CSMD1: variants seen among roughly 807,000 people sequenced by gnomAD.
CSMD1 encodes the protein CUB and sushi domain-containing protein 1.
A neutral mutation model predicts 417.5 loss-of-function variants in CSMD1; 213 were observed. The observed-to-expected ratio is 0.51, with a 90% CI of 0.46 to 0.57. The LOEUF (loss-of-function observed/expected upper bound fraction) is 0.57. CSMD1 is among the 20% of genes least tolerant of loss of function. CSMD1 has a pLI of 0.00. For synonymous variants in CSMD1, 2,862 were observed against 1,736.8 expected (o/e 1.65, Z -16.11); for missense variants, 6,923 against 4,529.7 (o/e 1.53, Z -15.17).
intron 45 of CSMD1, 189 bp from the exon 46 acceptor site, chr8:3,106,830 A>G: frequency 4.2e-6 from 2 of 478,282 alleles, no homozygotes; most frequent in Non-Finnish European, 7.4e-6. Context: ...AAAATGCTCT[A>G]TTAAGCTTAG....
chr8:4,450,402 C>T (rs779887278), intron 2 of CSMD1, among the ~76,000 whole-genome samples: 2 of 151,982 alleles, frequency 1.3e-5, no homozygotes, highest in Non-Finnish European at 2.9e-5. Context: ...CTGAGGCAGG[C>T]GGATCAGCAG....
intron 2 of CSMD1, among the ~76,000 whole-genome samples, chr8:4,603,906 G>A (rs1357220188): frequency 1.3e-5 from 2 of 151,606 alleles, no homozygotes; most frequent in African/African-American, 2.4e-5. Context: ...TTACTCTGGG[G>A]GATTTGGGAT....
chr8:4,203,183 G>A (rs893334682), intron 3 of CSMD1, among the ~76,000 whole-genome samples: 12 of 152,108 alleles, frequency 7.9e-5, no homozygotes, highest in East Asian at 5.8e-4. Context: ...TTAAAAAATC[G>A]TCAGTGAGAT....
At chr8:4,053,937 A>G (rs538859335) in intron 3 of CSMD1, among the ~76,000 whole-genome samples, 6 of 152,208 alleles carry the variant, frequency 3.9e-5, no homozygotes, top group Non-Finnish European at 7.3e-5. Context: ...TACTTAACAC[A>G]TATCTGTGCA....
chr8:4,455,957 A>AAAAAAAAAC (rs1799446974), intron 2 of CSMD1, among the ~76,000 whole-genome samples: 1 of 145,238 alleles, frequency 6.9e-6, no homozygotes, highest in Non-Finnish European at 1.5e-5. Flanking sequence ...AAAAAAAAAA[A>AAAAAAAAAC]AAAAAATGCA....
chr8:3,878,594 T>C (rs1234255620), intron 5 of CSMD1, among the ~76,000 whole-genome samples: 2 of 152,212 alleles, frequency 1.3e-5, no homozygotes, highest in African/African-American at 4.8e-5. Context: ...CAAACATTTT[T>C]ACCGATAAAT....
intron 8 of CSMD1, among the ~76,000 whole-genome samples, chr8:3,592,141 T>A (rs1020173769): frequency 6.6e-6 from 1 of 151,916 alleles, no homozygotes; most frequent in Non-Finnish European, 1.5e-5. Context: ...GATGAATGGA[T>A]AGGTAAGTAG....
chr8:4,800,993 C>A (rs559876945), intron 1 of CSMD1, among the ~76,000 whole-genome samples: 2 of 152,276 alleles, frequency 1.3e-5, no homozygotes, highest in East Asian at 3.9e-4. Context: ...AAGTTGTAAG[C>A]ACAACTGCTT....
chr8:3,790,367 C>T lies in CSMD1; in HGVS notation c.819-36325G>A, dbSNP rs535263915. 3.9e-5 allele frequency among the ~76,000 whole-genome samples: 6 copies of T among 151,926 alleles called. No homozygotes were observed. In the South Asian group the frequency reaches 8.3e-4, roughly 21 times the overall value. ...GTGATGATGATGGTGGTGATAGTGA[C>T]GGTGATGGTTATGATGATGGTGATG... On this transcript the variant is annotated intron_variant, in intron 5 of 69. Coordinates refer to ENST00000635120, the MANE Select transcript of CSMD1 (RefSeq NM_033225.6).
intron 4 of CSMD1, among the ~76,000 whole-genome samples, chr8:4,029,645 A>C (rs1797238841): frequency 6.6e-6 from 1 of 152,052 alleles, no homozygotes; most frequent in South Asian, 2.1e-4. Context: ...AAACCATATC[A>C]TTTCGCTCCT....
intron 3 of CSMD1, among the ~76,000 whole-genome samples, chr8:4,043,025 G>C (rs1220380823): frequency 1.3e-5 from 2 of 151,838 alleles, no homozygotes; most frequent in East Asian, 3.9e-4. Flanking sequence ...CCAGCTACTT[G>C]GGAGGTTGAA....
chr8:4,533,050 A>T (rs1796916325), intron 2 of CSMD1, among the ~76,000 whole-genome samples: 1 of 152,190 alleles, frequency 6.6e-6, no homozygotes, highest in Non-Finnish European at 1.5e-5. Context: ...ATCCCAGGCA[A>T]CCACTCACCT....
intron 10 of CSMD1, among the ~76,000 whole-genome samples, chr8:3,552,898 C>G (rs1798978658): frequency 6.6e-6 from 1 of 151,992 alleles, no homozygotes; most frequent in Non-Finnish European, 1.5e-5. Context: ...CTTCCACTTT[C>G]TTGATAATTA....
intron 7 of CSMD1, among the ~76,000 whole-genome samples, chr8:3,628,248 T>C (rs866143049): frequency 3.3e-5 from 5 of 152,156 alleles, no homozygotes; most frequent in African/African-American, 1.2e-4. Flanking sequence ...ACAATGAGAA[T>C]AGTTCTTTCT....
intron 3 of CSMD1, among the ~76,000 whole-genome samples, chr8:4,182,618 G>C (rs148729742): frequency 3.7e-4 from 56 of 152,196 alleles, no homozygotes; most frequent in African/African-American, 1.3e-3. Flanking sequence ...ATGGACAACA[G>C]TGTTTATCAT....
intron 1 of CSMD1, among the ~76,000 whole-genome samples, chr8:4,646,411 T>G (rs1341869199): frequency 6.6e-6 from 1 of 152,150 alleles, no homozygotes; most frequent in Non-Finnish European, 1.5e-5. Flanking sequence ...CTCCAGTGTC[T>G]CAAGGTTGTG....
At chr8:3,715,710 T>C (rs543208832) in intron 6 of CSMD1, among the ~76,000 whole-genome samples, 14 of 152,164 alleles carry the variant, frequency 9.2e-5, no homozygotes, top group African/African-American at 3.4e-4. Context: ...ACCCACCTAT[T>C]TTTTGTATTT....
intron 54 of CSMD1, among the ~76,000 whole-genome samples, chr8:2,988,760 T>C (rs1806140299): frequency 6.6e-6 from 1 of 152,248 alleles, no homozygotes; most frequent in Non-Finnish European, 1.5e-5. Flanking sequence ...TAATGAATTT[T>C]CTTTAGTCTC....
chr8:3,102,667 C>A (rs1336306713), intron 46 of CSMD1, among the ~76,000 whole-genome samples: 1 of 152,168 alleles, frequency 6.6e-6, no homozygotes, highest in African/African-American at 2.4e-5. Context: ...CAATGCAGGC[C>A]TCCATAACAA....
Sources: gnomAD v4.1 joint callset for allele counts (sites outside exome capture counted in the v4.1 genomes callset) on GRCh38, gnomAD v4.1.1 for gene constraint, MANE v1.5 for transcripts, NCBI Gene and HGNC (gene_info 2026-07-23, HGNC 2026-07-21) for gene names.